SOX5: variants seen among roughly 807,000 people sequenced by gnomAD.
SOX5 encodes transcription factor SOX-5.
Under a neutral mutation model 92.0 loss-of-function variants are expected in SOX5, and 9 were observed. The observed-to-expected ratio is 0.10, with a 90% CI of 0.06 to 0.17. SOX5 has a LOEUF of 0.17. Among genes scored for constraint, SOX5 ranks in the 10% least tolerant of loss-of-function variants. The pLI is 1.00. For missense variants in SOX5, 642 were observed against 944.5 expected (o/e 0.68, Z 4.20); for synonymous variants, 344 against 336.3 (o/e 1.02, Z -0.25).
intron 4 of SOX5, among the ~76,000 whole-genome samples, chr12:24,183,980 G>A (rs1236897003): frequency 1.3e-5 from 2 of 152,016 alleles, no homozygotes; most frequent in South Asian, 2.1e-4. Context: ...ACATATTTTT[G>A]TTGTTATTTA....
rs543683985 is a variant in SOX5, at chr12:24,106,041, CAG to C, written c.-2+107300_-2+107301del. The stretch of plus-strand genomic sequence containing the variant: ...GATGTCTCAGACATGATATAAAAAA[CAG>C]AAACTATAAAAGAAAAAATTGATAG... On this transcript the variant is annotated intron_variant, in intron 4 of 4. Transcript: ENST00000446891. Among the ~76,000 whole-genome samples, 308 of 152,014 alleles carry C rather than the reference CAG, an allele frequency of 2.0e-3. 1 individual carries two copies. The highest frequency in any genetic ancestry group is 7.0e-3 in the African/African-American group (289 of 41,482).
chr12:23,558,065 C>T (rs1160059523), intron 11 of SOX5, among the ~76,000 whole-genome samples: 2 of 151,746 alleles, frequency 1.3e-5, no homozygotes, highest in African/African-American at 4.8e-5. Context: ...CAAAACAAAC[C>T]AGTTTCATGA....
intron 1 of SOX5, among the ~76,000 whole-genome samples, chr12:24,400,352 C>A (rs1254303707): frequency 6.6e-6 from 1 of 151,544 alleles, no homozygotes; most frequent in Non-Finnish European, 1.5e-5. Flanking sequence ...GGCCTTGCCA[C>A]AAGAAGCATT....
intron 4 of SOX5, among the ~76,000 whole-genome samples, chr12:24,179,263 A>G (rs540966574): frequency 7.2e-5 from 11 of 152,334 alleles, no homozygotes; most frequent in African/African-American, 2.2e-4. Flanking sequence ...CTTTCCATGG[A>G]AAAGGTGCCC....
intron 6 of SOX5, among the ~76,000 whole-genome samples, chr12:23,734,338 G>T (rs1297655915): frequency 6.6e-6 from 1 of 152,070 alleles, no homozygotes; most frequent in Non-Finnish European, 1.5e-5. Context: ...TGAAAACCCA[G>T]GTACCTTTCT....
chr12:23,979,876 C>T (rs1231963858), intron 4 of SOX5, among the ~76,000 whole-genome samples: 4 of 132,934 alleles, frequency 3.0e-5, no homozygotes, highest in Admixed American at 1.5e-4. Flanking sequence ...TGCTACCATG[C>T]CTGGCTGGCT....
intron 1 of SOX5, among the ~76,000 whole-genome samples, chr12:23,935,009 C>A (rs1942245901): frequency 6.6e-6 from 1 of 151,188 alleles, no homozygotes; most frequent in Non-Finnish European, 1.5e-5. Context: ...AAGCCTTGGA[C>A]ATATCTGCAT....
intron 3 of SOX5, among the ~76,000 whole-genome samples, chr12:23,763,264 C>T (rs561463013): frequency 2.6e-5 from 4 of 152,226 alleles, no homozygotes; most frequent in African/African-American, 4.8e-5. Flanking sequence ...ATTTATGTAA[C>T]GCCATTAAAA....
intron 8 of SOX5, among the ~76,000 whole-genome samples, chr12:23,616,867 C>G (rs1241020855): frequency 3.3e-5 from 5 of 152,104 alleles, no homozygotes; most frequent in African/African-American, 9.7e-5. Context: ...AGCCTGTAAT[C>G]CCAGAACTCT....
chr12:23,819,479 C>A (rs983391906), intron 3 of SOX5, among the ~76,000 whole-genome samples: 3 of 152,042 alleles, frequency 2.0e-5, no homozygotes, highest in Non-Finnish European at 4.4e-5. Context: ...GCAGAATGTG[C>A]AGGTTTGTTC....
In SOX5 at chr12:23,949,577, G is replaced by A; in HGVS notation, c.25C>T (p.Gln9Ter). The A allele has an allele frequency of 6.2e-7, 1 of 1,613,686 alleles. No individual in the cohort carries two copies. Among genetic ancestry groups the A allele is most frequent in the Non-Finnish European group, 8.5e-7 (1 of 1,179,630 alleles). Residue 9 changes from glutamine (Q) to a stop codon, truncating the protein, a stop_gained, in exon 1 of 15, where the codon CAG (glutamine) becomes TAG (stop). Transcript: ENST00000451604. LOFTEE classifies it high-confidence loss of function. MLTDPDLP[Q>*]EFERMSSKRP... ...AACTGTACTCACCTTTCAAACTCCT[G>A]AGGTAAATCAGGGTCAGTAAGCATG...
At chr12:24,546,743 T>G (rs1938452882) in intron 1 of SOX5, among the ~76,000 whole-genome samples, 1 of 152,190 alleles carries the variant, frequency 6.6e-6, no homozygotes, top group African/African-American at 2.4e-5. Context: ...GATAAAAAGT[T>G]GGTGAGCCTT....
intron 2 of SOX5, among the ~76,000 whole-genome samples, chr12:24,325,416 A>T (rs1950583726): frequency 6.6e-6 from 1 of 152,170 alleles, no homozygotes; most frequent in African/African-American, 2.4e-5. Context: ...GAGACATCTC[A>T]GATAGTTGCA....
chr12:24,021,721 G>A (rs1449721961), intron 4 of SOX5, among the ~76,000 whole-genome samples: 1 of 152,138 alleles, frequency 6.6e-6, no homozygotes, highest in Non-Finnish European at 1.5e-5. Context: ...TGATTCACTG[G>A]AGTGCTTAAC....
chr12:23,578,966 GA>G (rs1162333403), intron 9 of SOX5, among the ~76,000 whole-genome samples: 2 of 150,282 alleles, frequency 1.3e-5, no homozygotes, highest in African/African-American at 4.9e-5. Flanking sequence ...GCAAAGCAAA[GA>G]AAAAGAAAGC....
At chr12:24,095,725 A>G (rs1945326025) in intron 4 of SOX5, among the ~76,000 whole-genome samples, 1 of 152,118 alleles carries the variant, frequency 6.6e-6, no homozygotes. Flanking sequence ...TAATTGAATC[A>G]TGGGGCTTGC....
At chr12:23,730,719 C>G (rs1319910026) in intron 6 of SOX5, among the ~76,000 whole-genome samples, 1 of 151,988 alleles carries the variant, frequency 6.6e-6, no homozygotes, top group East Asian at 1.9e-4. Flanking sequence ...TAAATAAAAC[C>G]CGTTCACTTG....
intron 3 of SOX5, among the ~76,000 whole-genome samples, chr12:23,820,169 T>C (rs2096078113): frequency 6.6e-6 from 1 of 152,256 alleles, no homozygotes; most frequent in Admixed American, 6.5e-5. Context: ...TTTGCATTTC[T>C]CTAATGACCA....
chr12:23,897,799 G>T (rs1301167508), intron 1 of SOX5, among the ~76,000 whole-genome samples: 1 of 152,164 alleles, frequency 6.6e-6, no homozygotes, highest in Non-Finnish European at 1.5e-5. Flanking sequence ...TAATAGTACA[G>T]GTGTTGATCA....
Sources: gnomAD v4.1 joint callset for allele counts (sites outside exome capture counted in the v4.1 genomes callset) on GRCh38, gnomAD v4.1.1 for gene constraint, MANE v1.5 for transcripts, NCBI Gene and HGNC (gene_info 2026-07-23, HGNC 2026-07-21) for gene names.